UNC79: variants seen among roughly 807,000 people sequenced by gnomAD.
The protein encoded by UNC79 is protein unc-79 homolog.
A neutral mutation model predicts 283.1 loss-of-function variants in UNC79; 37 were observed. The ratio of observed to expected loss-of-function variants is 0.13; its 90% CI spans 0.10 to 0.17. The LOEUF (loss-of-function observed/expected upper bound fraction) is 0.17. Among genes scored for constraint, UNC79 ranks in the 10% least tolerant of loss-of-function variants. The pLI is 1.00. For synonymous variants in UNC79, 1,107 were observed against 1,200.2 expected, an observed-to-expected ratio of 0.92 and a Z score of 1.61; for missense variants, 2,272 against 3,211.1, an observed-to-expected ratio of 0.71 and a Z score of 7.07.
chr14:93,548,733 G>C (rs904507881), intron 14 of UNC79, among the ~76,000 whole-genome samples: 2 of 152,118 alleles, frequency 1.3e-5, no homozygotes, highest in Admixed American at 6.5e-5. Flanking sequence ...AGCTCCTTTA[G>C]GAAAGAATTG....
chr14:93,658,914 T>A (rs2071244379), intron 38 of UNC79, among the ~76,000 whole-genome samples: 1 of 152,176 alleles, frequency 6.6e-6, no homozygotes, highest in Non-Finnish European at 1.5e-5. Flanking sequence ...TCTATTCAAC[T>A]GTCTATCTCA....
exon 48 of UNC79, chr14:93,704,661 A>G: frequency 6.2e-7 from 1 of 1,614,232 alleles, no homozygotes; most frequent in Non-Finnish European, 8.5e-7. Flanking sequence ...TCAGTCAAAT[A>G]TCAAGGTAAG....
chr14:93,577,775 G>A (rs770064357), intron 17 of UNC79, 67 bp from the exon 18 acceptor site: 85 of 1,534,554 alleles, frequency 5.5e-5, no homozygotes, highest in Non-Finnish European at 6.2e-5. Context: ...TAGAGTCCCC[G>A]AATATTTTAC....
Position 93,617,862 on chromosome 14 carries a change from G to A in UNC79, c.4225-330G>A, listed in dbSNP as rs2066841281. On this transcript the variant is annotated intron_variant, in intron 28 of 48. Coordinates refer to ENST00000555664, the Ensembl canonical transcript of UNC79. This position sits in a 1 kb window ranked among gnomAD's most constrained non-coding sequence, Gnocchi z 4.5. Reference sequence around the variant, plus strand: ...GTTCGAGCCCAGCCTGAGCAACATGGTGAAATCCCATCTCTACAAAAAATT... The same window carrying A: ...GTTCGAGCCCAGCCTGAGCAACATGATGAAATCCCATCTCTACAAAAAATT... Among the ~76,000 whole-genome samples, 1 of 152,046 alleles carries A rather than the reference G, an allele frequency of 6.6e-6. No individual in the cohort carries two copies. Among genetic ancestry groups the A allele is most frequent in the South Asian group, 2.1e-4 (1 of 4,816 alleles).
intron 26 of UNC79, among the ~76,000 whole-genome samples, chr14:93,608,897 G>T (rs2066089122): frequency 6.6e-6 from 1 of 152,134 alleles, no homozygotes; most frequent in African/African-American, 2.4e-5. Context: ...TCAGACATTG[G>T]CCCCTATTCT....
intron 25 of UNC79, 115 bp downstream of exon 25, chr14:93,600,885 A>T: frequency 9.3e-7 from 1 of 1,076,216 alleles, no homozygotes; most frequent in Non-Finnish European, 1.3e-6. Context: ...CCTTGACCTC[A>T]TGCACTCAAT....
intron 7 of UNC79, among the ~76,000 whole-genome samples, chr14:93,503,193 T>C (rs2059378636): frequency 2.6e-5 from 4 of 152,112 alleles, no homozygotes; most frequent in African/African-American, 4.8e-5. Context: ...TATGTGTGTG[T>C]TGTGTGTATG....
rs71129656 is a variant in UNC79, at chr14:93,705,347, C to CAAA, written c.7590+704_7590+706dup. ...ATAGACAGAGCAAGACCCAGTCTCT[C>CAAA]AAAAAAAAAAAAAAAAAAAAAAAAA... On this transcript the variant is annotated intron_variant, in intron 48 of 48. Coordinates refer to ENST00000555664, the Ensembl canonical transcript of UNC79. 3.1e-3 allele frequency among the ~76,000 whole-genome samples: 267 copies of CAAA among 87,374 alleles called. 1 individual carries two copies. Among genetic ancestry groups the CAAA allele is most frequent in the Non-Finnish European group, 4.4e-3 (202 of 46,098 alleles). 57.3% of individuals were successfully genotyped at this position (87,374 alleles called of 152,430 possible).
In UNC79 at chr14:93,690,548, A is replaced by T; in HGVS notation, c.7272+245A>T. On this transcript the variant is annotated intron_variant, in intron 45 of 48. Coordinates refer to ENST00000555664, the Ensembl canonical transcript of UNC79. The surrounding 1 kb of genome is among the most constrained non-coding windows in gnomAD (Gnocchi z 4.3). ...AAGATAAATCATGGAGTCAAGCAAG[A>T]GTTGGCTTCCCAGGCATTTCTGTCT... 2.4e-6 allele frequency: 1 copy of T among 419,530 alleles called. No homozygotes were observed. Among genetic ancestry groups the T allele is most frequent in the Admixed American group, 4.1e-5 (1 of 24,588 alleles). 26.0% of individuals were successfully genotyped at this position (419,530 alleles called of 1,614,324 possible). A position where few individuals can be genotyped will look rare whatever the true frequency, so the allele number is the denominator to read the frequency against.
intron 47 of UNC79, among the ~76,000 whole-genome samples, chr14:93,698,438 C>A (rs930878065): frequency 1.4e-5 from 2 of 146,396 alleles, no homozygotes; most frequent in Non-Finnish European, 3.0e-5. Flanking sequence ...TATAAAATGT[C>A]CCTCTTCATC....
intron 46 of UNC79, among the ~76,000 whole-genome samples, chr14:93,692,228 A>C (rs2074750289): frequency 6.6e-6 from 1 of 152,148 alleles, no homozygotes; most frequent in Non-Finnish European, 1.5e-5. Flanking sequence ...CTACGAGGAG[A>C]TTTCAAATGT....
chr14:93,676,276 T>A (rs1316895798), intron 41 of UNC79, among the ~76,000 whole-genome samples: 1 of 152,092 alleles, frequency 6.6e-6, no homozygotes, highest in Non-Finnish European at 1.5e-5. Flanking sequence ...CGCAGGCTGG[T>A]CTTGAACTCC....
chr14:93,549,667 G>A (rs1425662554), intron 14 of UNC79, among the ~76,000 whole-genome samples: 1 of 152,212 alleles, frequency 6.6e-6, no homozygotes, highest in Non-Finnish European at 1.5e-5. Context: ...AAAGGCTCCA[G>A]CATAGCCATG....
chr14:93,450,610 C>T (rs189501521), intron 1 of UNC79, among the ~76,000 whole-genome samples: 34 of 152,214 alleles, frequency 2.2e-4, no homozygotes, highest in African/African-American at 7.9e-4. Flanking sequence ...ATTGCTTCAT[C>T]GTTATCTTGT....
At chr14:93,439,026 A>T (rs1178801731) in intron 1 of UNC79, among the ~76,000 whole-genome samples, 1 of 152,010 alleles carries the variant, frequency 6.6e-6, no homozygotes, top group Non-Finnish European at 1.5e-5. Context: ...TGAATACATG[A>T]AGGCTATTGA....
At chr14:93,410,840 CTG>C (rs1311436010) in intron 1 of UNC79, among the ~76,000 whole-genome samples, 7 of 152,094 alleles carry the variant, frequency 4.6e-5, no homozygotes, top group East Asian at 1.9e-4. Context: ...GTAGGTGAAA[CTG>C]AGATTTTCTG....
At chr14:93,612,667 T>C in intron 26 of UNC79, 130 bp from the exon 28 acceptor site, 6 of 1,280,090 alleles carry the variant, frequency 4.7e-6, no homozygotes, top group Non-Finnish European at 6.4e-6. Context: ...TTAAGTTTCT[T>C]AAAGTCTGTC....
At chr14:93,408,950 A>C (rs892759757) in intron 1 of UNC79, among the ~76,000 whole-genome samples, 11 of 152,250 alleles carry the variant, frequency 7.2e-5, no homozygotes, top group Non-Finnish European at 1.5e-4. Flanking sequence ...CACATCTATA[A>C]AAATGTCCTA....
chr14:93,380,647 A>G (rs575387529), intron 1 of UNC79, among the ~76,000 whole-genome samples: 5 of 152,354 alleles, frequency 3.3e-5, no homozygotes, highest in South Asian at 4.1e-4. Context: ...CATGAAGGCC[A>G]GATGTTGGCT....
Sources: allele counts gnomAD v4.1 joint callset (sites outside exome capture counted in the v4.1 genomes callset), GRCh38; gene constraint gnomAD v4.1.1; non-coding constraint Gnocchi (gnomAD v3.1); transcripts MANE v1.5; gene names NCBI Gene and HGNC (gene_info 2026-07-23, HGNC 2026-07-21).